The following KAZN variants were observed in gnomAD, a reference collection of about 807,000 sequenced individuals.
KAZN encodes the protein kazrin.
KAZN carries 40 observed loss-of-function variants against 87.4 expected under a neutral mutation model. The ratio of observed to expected loss-of-function variants is 0.46; its 90% CI spans 0.36 to 0.60. KAZN has a LOEUF of 0.60. KAZN is among the 20% of genes least tolerant of loss of function. The probability of loss-of-function intolerance (pLI) is 0.00; values close to 1 mark genes in which losing one functional copy is unlikely to be tolerated. For missense variants in KAZN, 898 were observed against 1,073.9 expected, an observed-to-expected ratio of 0.84 and a Z score of 2.29; for synonymous variants, 466 against 458.3, an observed-to-expected ratio of 1.02 and a Z score of -0.22.
At chr1:14,248,735 C>A (rs565757194) in intron 2 of KAZN, among the ~76,000 whole-genome samples, 1 of 152,228 alleles carries the variant, frequency 6.6e-6, no homozygotes, top group Non-Finnish European at 1.5e-5. Context: ...CTTTGACACT[C>A]TTCCCATGGA....
At chr1:14,250,827 A>G (rs1281960041) in intron 2 of KAZN, among the ~76,000 whole-genome samples, 2 of 151,930 alleles carry the variant, frequency 1.3e-5, no homozygotes, top group East Asian at 1.9e-4. Context: ...ATTCAGAAAT[A>G]TTTATTAATA....
intron 1 of KAZN, among the ~76,000 whole-genome samples, chr1:14,078,626 C>T (rs1332838379): frequency 2.0e-5 from 3 of 152,160 alleles, no homozygotes; most frequent in Non-Finnish European, 2.9e-5. Context: ...GGTTCATAGA[C>T]GGCGCCTTCT....
chr1:15,110,644 C>T (rs1318669536), intron 13 of KAZN, among the ~76,000 whole-genome samples: 1 of 152,212 alleles, frequency 6.6e-6, no homozygotes, highest in Admixed American at 6.5e-5. Flanking sequence ...GCACGCGGCC[C>T]AGGCCATGCC....
chr1:14,879,364 G>A (rs182777886), intron 1 of KAZN, among the ~76,000 whole-genome samples: 18 of 152,342 alleles, frequency 1.2e-4, no homozygotes, highest in Admixed American at 1.2e-3. Flanking sequence ...TTCTAGTTTT[G>A]TTATTAATGA....
intron 1 of KAZN, among the ~76,000 whole-genome samples, chr1:13,951,920 C>G (rs1055444900): frequency 2.0e-5 from 3 of 152,116 alleles, no homozygotes; most frequent in Non-Finnish European, 4.4e-5. Context: ...TCTGGCCTGC[C>G]CTAGCTGTGC....
intron 1 of KAZN, among the ~76,000 whole-genome samples, chr1:14,012,495 A>G (rs1441713756): frequency 1.3e-5 from 2 of 152,216 alleles, no homozygotes; most frequent in Non-Finnish European, 2.9e-5. Context: ...CTTCTAGTCC[A>G]ACCCTGCTTG....
chr1:14,836,567 G>A (rs1289609155), intron 1 of KAZN, among the ~76,000 whole-genome samples: 1 of 152,020 alleles, frequency 6.6e-6, no homozygotes, highest in African/African-American at 2.4e-5. Flanking sequence ...CTGGGCCCAC[G>A]CCTCCTCTTT....
chr1:14,389,808 T>G (rs1662263288), intron 2 of KAZN, among the ~76,000 whole-genome samples: 1 of 152,050 alleles, frequency 6.6e-6, no homozygotes, highest in Non-Finnish European at 1.5e-5. Flanking sequence ...AACAGGGTGA[T>G]TATAGTAAAA....
intron 1 of KAZN, among the ~76,000 whole-genome samples, chr1:14,163,259 A>G (rs1240370130): frequency 6.6e-6 from 1 of 152,208 alleles, no homozygotes; most frequent in African/African-American, 2.4e-5. Flanking sequence ...GAACTAAAGT[A>G]CACTTGGAAG....
intron 2 of KAZN, among the ~76,000 whole-genome samples, chr1:14,508,973 T>C (rs1670760656): frequency 6.6e-6 from 1 of 152,150 alleles, no homozygotes; most frequent in Admixed American, 6.5e-5. Context: ...CACAGCACTG[T>C]GCAAACAGAG....
At chr1:14,577,153 C>G (rs970997536) in intron 2 of KAZN, among the ~76,000 whole-genome samples, 1 of 152,096 alleles carries the variant, frequency 6.6e-6, no homozygotes, top group African/African-American at 2.4e-5. Context: ...TATTGCTAAC[C>G]CCCTTTAATC....
chr1:13,920,739 A>G (rs10927955), intron 1 of KAZN, among the ~76,000 whole-genome samples: 35,957 of 151,838 alleles, frequency 0.24, 5,651 homozygotes, highest in East Asian at 0.52. Flanking sequence ...GGAGGTTATC[A>G]TGGGGCTGTC....
intron 2 of KAZN, among the ~76,000 whole-genome samples, chr1:14,348,574 T>C (rs1571357096): frequency 6.6e-6 from 1 of 152,348 alleles, no homozygotes; most frequent in South Asian, 2.1e-4. Flanking sequence ...ATCTGAGATA[T>C]GATAAACGAT....
intron 2 of KAZN, among the ~76,000 whole-genome samples, chr1:15,028,285 C>T (rs1188416711): frequency 6.6e-6 from 1 of 152,222 alleles, no homozygotes; most frequent in Non-Finnish European, 1.5e-5. Context: ...GTGACATCAC[C>T]AGTCACCATG....
intron 1 of KAZN, among the ~76,000 whole-genome samples, chr1:14,090,361 A>G (rs1423014559): frequency 6.6e-6 from 1 of 151,594 alleles, no homozygotes; most frequent in Non-Finnish European, 1.5e-5. Context: ...CCATATCTTC[A>G]AGTTCACTAA....
intron 2 of KAZN, among the ~76,000 whole-genome samples, chr1:14,203,273 G>T (rs1024551487): frequency 1.3e-5 from 2 of 152,058 alleles, no homozygotes; most frequent in African/African-American, 4.8e-5. Flanking sequence ...ATACAGTAGG[G>T]GATCAATAAA....
intron 1 of KAZN, among the ~76,000 whole-genome samples, chr1:14,128,384 C>T (rs1011766028): frequency 2.6e-5 from 4 of 151,446 alleles, no homozygotes; most frequent in East Asian, 2.0e-4. Flanking sequence ...AGTGATCCTA[C>T]AGACTGGGTG....
intron 1 of KAZN, among the ~76,000 whole-genome samples, chr1:14,944,651 A>C (rs555489765): frequency 2.0e-5 from 3 of 152,184 alleles, no homozygotes; most frequent in Admixed American, 2.0e-4. Context: ...CCAGACTCCT[A>C]TGTGACCCAG....
At chr1:14,249,404 A>G (rs1649804738) in intron 2 of KAZN, among the ~76,000 whole-genome samples, 1 of 152,250 alleles carries the variant, frequency 6.6e-6, no homozygotes. Flanking sequence ...ATTATCGTCA[A>G]CAAACCCAAA....
Sources: gnomAD v4.1 joint callset for allele counts (sites outside exome capture counted in the v4.1 genomes callset) on GRCh38, gnomAD v4.1.1 for gene constraint, MANE v1.5 for transcripts, NCBI Gene and HGNC (gene_info 2026-07-23, HGNC 2026-07-21) for gene names.